Variants in CR2 observed in about 807,000 individuals in gnomAD.
CR2 encodes complement receptor type 2.
CR2 carries 96 observed loss-of-function variants against 123.0 expected under a neutral mutation model. The ratio of observed to expected loss-of-function variants is 0.78; its 90% CI spans 0.66 to 0.93. The LOEUF (loss-of-function observed/expected upper bound fraction) is 0.93. Ranked by LOEUF, CR2 falls within the 40% of genes least tolerant of loss-of-function variation. The pLI is 0.00. For synonymous variants in CR2, 484 were observed against 469.5 expected, an observed-to-expected ratio of 1.03 and a Z score of -0.40; for missense variants, 1,258 against 1,361.0, an observed-to-expected ratio of 0.92 and a Z score of 1.19.
intron 17 of CR2, 79 bp downstream of exon 17, chr1:207,479,359 A>T: frequency 1.0e-6 from 1 of 955,672 alleles, no homozygotes; most frequent in African/African-American, 1.6e-5. Context: ...CCTATATCCT[A>T]TCTGATGATA....
chr1:207,473,433 T>G (rs1658344907), intron 10 of CR2, 112 bp from the exon 11 acceptor site: 1 of 1,247,702 alleles, frequency 8.0e-7, no homozygotes, highest in Non-Finnish European at 1.2e-6. Flanking sequence ...AATTTGAGCT[T>G]CATGATCTTT....
chr1:207,480,926 A>G (rs1658586121), intron 18 of CR2, among the ~76,000 whole-genome samples: 1 of 152,054 alleles, frequency 6.6e-6, no homozygotes, highest in South Asian at 2.1e-4. Context: ...ATTTCAAAAA[A>G]AAATTGTGAT....
chr1:207,484,801 T>C (rs1283613122), intron 18 of CR2, among the ~76,000 whole-genome samples: 2 of 152,230 alleles, frequency 1.3e-5, no homozygotes, highest in African/African-American at 4.8e-5. Flanking sequence ...AGTAAAAACA[T>C]TCTCTTCAAA....
At position 207,479,995 on chromosome 1, in the gene CR2, A is replaced by G. The variant is rs1164874597; in HGVS notation, c.3130A>G (p.Ile1044Val). 1 of 1,613,094 alleles carries G rather than the reference A, an allele frequency of 6.2e-7. No homozygotes were observed. Among genetic ancestry groups the G allele is most frequent in the Non-Finnish European group, 8.5e-7 (1 of 1,179,178 alleles). The change falls in exon 18 of 20, where the codon ATA (isoleucine) becomes GTA (valine). Residue 1044 changes from isoleucine to valine, a missense_variant. Ile to Val is a conservative substitution (Grantham distance 29, BLOSUM62 3). Transcript: ENST00000367057. ...PVLCGIAAGL[I>V]LLTFLIVITL... ...TCTTCTAGGTATTGCTGCAGGTTTG[A>G]TACTTCTTACCTTCTTGATTGTCAT...
At chr1:207,485,803 T>C (rs1199687641) in intron 19 of CR2, among the ~76,000 whole-genome samples, 1 of 152,018 alleles carries the variant, frequency 6.6e-6, no homozygotes, top group Admixed American at 6.6e-5. Flanking sequence ...GCAAAACAAC[T>C]AAGAATAAAA....
chr1:207,488,731 G>T (rs577640183), intron 19 of CR2, among the ~76,000 whole-genome samples: 1 of 152,088 alleles, frequency 6.6e-6, no homozygotes, highest in Non-Finnish European at 1.5e-5. Context: ...CCATAAACAA[G>T]GTATAGAAAA....
chr1:207,462,240 T>C (rs1027564038), intron 1 of CR2, among the ~76,000 whole-genome samples: 3 of 152,172 alleles, frequency 2.0e-5, no homozygotes, highest in South Asian at 4.1e-4. Context: ...CTCTTAAATA[T>C]ATATTGTACT....
intron 19 of CR2, among the ~76,000 whole-genome samples, chr1:207,487,685 G>C (rs1658787726): frequency 2.0e-5 from 3 of 152,200 alleles, no homozygotes; most frequent in African/African-American, 4.8e-5. Context: ...ATTCCTACAT[G>C]ATGATGGGAA....
chr1:207,461,269 C>G (rs576093229), intron 1 of CR2, among the ~76,000 whole-genome samples: 23 of 152,198 alleles, frequency 1.5e-4, no homozygotes, highest in African/African-American at 5.5e-4. Context: ...AGACTCTGAC[C>G]TCACTGTGAA....
At chr1:207,458,515 G>A (rs933206558) in intron 1 of CR2, among the ~76,000 whole-genome samples, 10 of 152,076 alleles carry the variant, frequency 6.6e-5, no homozygotes, top group African/African-American at 2.2e-4. Context: ...ATTCTGCTTT[G>A]CTCATTGCAT....
chr1:207,468,969 C>A, intron 4 of CR2, 70 bp downstream of exon 4: 1 of 1,528,670 alleles, frequency 6.5e-7, no homozygotes, highest in Non-Finnish European at 9.1e-7. Flanking sequence ...ACTGTGAAAC[C>A]TGCAGAAGTC....
At chr1:207,485,330 G>A (rs1572967277) in intron 18 of CR2, 134 bp from the exon 19 acceptor site, 1 of 658,476 alleles carries the variant, frequency 1.5e-6, no homozygotes, top group East Asian at 2.9e-5. Context: ...AGAACTTAAA[G>A]TATAATTTAA....
Position 207,489,840 on chromosome 1 carries a change from TTAA to T in CR2, c.*722_*724del, listed in dbSNP as rs1263485184. Reference sequence around the variant, plus strand: ...GTTCTAGTTGCTTGTAAAATTTCACTTAATAATGTGTACATTAGTCATTCAATA... The same window carrying T: ...GTTCTAGTTGCTTGTAAAATTTCACTTAATGTGTACATTAGTCATTCAATA... On this transcript the variant is annotated 3_prime_UTR_variant, in exon 20 of 20. Coordinates refer to ENST00000367057, the MANE Select transcript of CR2 (RefSeq NM_001006658.3). 1 of 152,230 alleles carries T rather than the reference TTAA, an allele frequency of 6.6e-6. No individual in the cohort carries two copies. The highest frequency in any genetic ancestry group is 1.5e-5 in the Non-Finnish European group (1 of 68,032). The allele number at this position is 152,230 out of a possible 1,614,324, so 9.4% of individuals were successfully genotyped here.
At chr1:207,460,366 G>C (rs987689495) in intron 1 of CR2, among the ~76,000 whole-genome samples, 3 of 152,162 alleles carry the variant, frequency 2.0e-5, no homozygotes. Context: ...ACCAGTCTTT[G>C]TGACTTCTCC....
Position 207,473,053 on chromosome 1 carries a change from G to A in CR2, c.1852G>A (p.Ala618Thr). Residue 618 changes from alanine to threonine, a missense_variant, in exon 10 of 20, where the codon GCC (alanine) becomes ACC (threonine). Transcript: ENST00000367057. ...ANGYKISGKE[A>T]PYFYNDTVTF... ...TGGATACAAGATATCTGGCAAGGAA[G>A]CCCCATATTTCTACAATGACACTGT... 6.2e-7 allele frequency: 1 copy of A among 1,613,986 alleles called. No individual in the cohort carries two copies. Among genetic ancestry groups the A allele is most frequent in the South Asian group, 1.1e-5 (1 of 91,084 alleles).
At chr1:207,458,997 C>T (rs1657904790) in intron 1 of CR2, among the ~76,000 whole-genome samples, 1 of 151,950 alleles carries the variant, frequency 6.6e-6, no homozygotes, top group Admixed American at 6.6e-5. Context: ...GGGAATAGAA[C>T]ATTGCAATGG....
intron 19 of CR2, 27 bp downstream of exon 19, chr1:207,485,599 A>ATT (rs1658728482): frequency 1.5e-6 from 2 of 1,305,684 alleles, no homozygotes; most frequent in African/African-American, 2.9e-5. Flanking sequence ...AATATTATTA[A>ATT]TTTACATATA....
chr1:207,485,286 T>C (rs1332100280), intron 18 of CR2, among the ~76,000 whole-genome samples, 178 bp from the exon 19 acceptor site: 1 of 152,330 alleles, frequency 6.6e-6, no homozygotes, highest in Admixed American at 6.5e-5. Flanking sequence ...TGTATACCTA[T>C]GTAACAAACC....
intron 18 of CR2, among the ~76,000 whole-genome samples, chr1:207,480,955 T>C (rs1370434189): frequency 6.6e-6 from 1 of 152,082 alleles, no homozygotes; most frequent in Non-Finnish European, 1.5e-5. Context: ...AGTCTATAGA[T>C]AAATTTGTGA....
Sources: allele counts gnomAD v4.1 joint callset (sites outside exome capture counted in the v4.1 genomes callset), GRCh38; gene constraint gnomAD v4.1.1; transcripts MANE v1.5; gene names NCBI Gene and HGNC (gene_info 2026-07-23, HGNC 2026-07-21).